The following VWF variants were observed in gnomAD, a reference collection of about 807,000 sequenced individuals.
VWF encodes von Willebrand factor.
A neutral mutation model predicts 308.6 loss-of-function variants in VWF; 176 were observed. The ratio of observed to expected loss-of-function variants is 0.57; its 90% CI spans 0.50 to 0.65. The LOEUF is 0.65. Ranked by LOEUF, VWF falls within the 30% of genes least tolerant of loss-of-function variation. VWF has a pLI of 0.00. For missense variants in VWF, 3,146 were observed against 3,648.2 expected, an observed-to-expected ratio of 0.86 and a Z score of 3.55; for synonymous variants, 1,385 against 1,443.4, an observed-to-expected ratio of 0.96 and a Z score of 0.92.
Position 5,981,662 on chromosome 12 carries a change from T to G in VWF, c.7287+124A>C. The G allele has an allele frequency of 9.7e-6, 11 of 1,128,228 alleles. No individual in the cohort carries two copies. In the South Asian group the frequency reaches 1.4e-4, roughly 14 times the overall value. The allele number at this position is 1,128,228 out of a possible 1,614,324, so 69.9% of individuals were successfully genotyped here. ...CAAATCTTCCATGAGGAGCACATGT[T>G]GCTTAGCAAATATTGGATGGGTAGG... is the stretch of plus-strand genomic sequence containing the variant. On this transcript the variant is annotated intron_variant, in intron 42 of 51. Coordinates refer to ENST00000261405, the MANE Select transcript of VWF (RefSeq NM_000552.5).
chr12:5,952,009 T>C lies in VWF; in HGVS notation c.8116-126A>G. On this transcript the variant is annotated intron_variant, in intron 49 of 51. Coordinates refer to ENST00000261405, the MANE Select transcript of VWF (RefSeq NM_000552.5). Reference sequence around the variant, plus strand: ...TGCTTAAGTGCCCAGATGTAAACTATGCTTTCCTATCATAAATGTGAGCAG... The same window carrying C: ...TGCTTAAGTGCCCAGATGTAAACTACGCTTTCCTATCATAAATGTGAGCAG... 3 of 931,084 alleles carry C rather than the reference T, an allele frequency of 3.2e-6. No individual in the cohort carries two copies. In the South Asian group the frequency reaches 4.1e-5, roughly 13 times the overall value. The allele number at this position is 931,084 out of a possible 1,614,324, so 57.7% of individuals were successfully genotyped here.
intron 18 of VWF, among the ~76,000 whole-genome samples, chr12:6,042,208 G>A (rs1320254275): frequency 1.3e-5 from 2 of 151,840 alleles, no homozygotes; most frequent in African/African-American, 4.8e-5. Flanking sequence ...TCTGCCCCCC[G>A]CAGATCTGCC....
At chr12:6,118,204 C>T (rs548557929) in intron 3 of VWF, among the ~76,000 whole-genome samples, 1 of 152,146 alleles carries the variant, frequency 6.6e-6, no homozygotes, top group Admixed American at 6.5e-5. Flanking sequence ...GAGCCCAGAA[C>T]ATGAACTCTG....
chr12:5,971,821 C>G, intron 43 of VWF, 112 bp from the exon 44 acceptor site: 1 of 923,662 alleles, frequency 1.1e-6, no homozygotes, highest in South Asian at 1.3e-5. Flanking sequence ...GATCACTGGT[C>G]TGGGCATTTT....
In VWF at chr12:5,985,123, G is replaced by C. The variant is rs1176962442; in HGVS notation, c.6902-4C>G. On this transcript the variant is annotated splice_region_variant and splice_polypyrimidine_tract_variant and intron_variant, in intron 39 of 51. Transcript: ENST00000261405. ...TCACACAGGCCACACGTGGGAGCTA[G>C]AGGAGAGGAACGGCCACAAAAGTCA... 6.2e-7 allele frequency: 1 copy of C among 1,614,210 alleles called. No individual in the cohort carries two copies. The highest frequency in any genetic ancestry group is 1.1e-5 in the South Asian group (1 of 91,088).
intron 47 of VWF, among the ~76,000 whole-genome samples, chr12:5,957,157 G>A (rs1943260998): frequency 1.3e-5 from 2 of 152,190 alleles, no homozygotes; most frequent in Admixed American, 1.3e-4. Context: ...TTTGTCACCT[G>A]GGAGTAACAG....
chr12:5,999,471 TACACAC>T (rs3062521), intron 34 of VWF, among the ~76,000 whole-genome samples: 6 of 143,554 alleles, frequency 4.2e-5, no homozygotes, highest in East Asian at 2.0e-4. Flanking sequence ...TGTACACACA[TACACAC>T]ACACACACAC....
At chr12:6,069,102 C>T (rs999633895) in intron 10 of VWF, among the ~76,000 whole-genome samples, 2 of 151,380 alleles carry the variant, frequency 1.3e-5, no homozygotes, top group African/African-American at 4.9e-5. Flanking sequence ...AGCGCTCTGC[C>T]CACTGAGCCT....
At chr12:5,985,511 T>C in intron 39 of VWF, 52 bp downstream of exon 39, 2 of 1,580,262 alleles carry the variant, frequency 1.3e-6, no homozygotes, top group East Asian at 4.5e-5. Context: ...TGGGGGGCCT[T>C]GCAGGGGCCC....
chr12:6,075,537 C>T lies in VWF; in HGVS notation c.672G>A (p.Gln224=), dbSNP rs1209596958. The change falls in exon 7 of 52, where the codon CAG becomes CAA. Residue 224 remains glutamine, a synonymous_variant. Coordinates refer to ENST00000261405, the MANE Select transcript of VWF (RefSeq NM_000552.5). This position sits in a 1 kb window ranked among gnomAD's most constrained non-coding sequence, Gnocchi z 4.7. ...CCGAGGTGCTCTTCAGAAGCTGGCACTGCTCCCACAGGCCCTGCAGGAAGA... is the reference window on the plus strand; with the variant it reads ...CCGAGGTGCTCTTCAGAAGCTGGCATTGCTCCCACAGGCCCTGCAGGAAGA... ...SGEMQKGLWE[Q]CQLLKSTSVF... 6.2e-7 allele frequency: 1 copy of T among 1,613,976 alleles called. No homozygotes were observed. The highest frequency in any genetic ancestry group is 1.3e-5 in the African/African-American group (1 of 75,064).
intron 40 of VWF, among the ~76,000 whole-genome samples, chr12:5,984,722 T>A (rs1403506561): frequency 6.6e-6 from 1 of 152,238 alleles, no homozygotes; most frequent in Non-Finnish European, 1.5e-5. Flanking sequence ...TCTAGCAGCC[T>A]CAAAATCTTA....
In VWF at chr12:6,034,656, C is replaced by G. The variant is rs374726621; in HGVS notation, c.2685+32G>C. 29 of 1,613,164 alleles carry G rather than the reference C, an allele frequency of 1.8e-5. No individual in the cohort carries two copies. The African/African-American group carries it at 3.6e-4, about 20-fold the overall frequency. On this transcript the variant is annotated intron_variant, in intron 20 of 51. Coordinates refer to ENST00000261405, the MANE Select transcript of VWF (RefSeq NM_000552.5). ...ACCTCCCACCCCTCCTAGAAAGAAA[C>G]AGCACCCTCTCCCCATCTCCCCACC... is the stretch of plus-strand genomic sequence containing the variant.
At chr12:6,021,465 C>T (rs1263512426) in intron 27 of VWF, 2 of 176,044 alleles carry the variant, frequency 1.1e-5, no homozygotes, top group Admixed American at 1.1e-4. Flanking sequence ...GACTATGGCC[C>T]CCACGACGTT....
rs749787965 is a variant in VWF at position 6,057,059 on chromosome 12, C to A, written c.1743G>T (p.Glu581Asp). 6.5e-7 allele frequency: 1 copy of A among 1,541,320 alleles called. No individual in the cohort carries two copies. ...GGGACGTCAGGACCGCGCACGCCTC[C>A]TCGGAGAACCTGGCTGTGGGGCGAG... is the stretch of plus-strand genomic sequence containing the variant. ...ALNPRMTRFS[E>D]EACAVLTSPT... is the part of the protein sequence containing the mutation. The change falls in exon 15 of 52, where the codon GAG (glutamate) becomes GAT (aspartate). Residue 581 changes from glutamate (E) to aspartate (D), a missense_variant. This residue lies in a region of VWF where 1,304 missense variants were observed against 1,353.0 expected (regional missense o/e 0.96). Transcript: ENST00000261405.
chr12:6,092,666 T>TGC (rs1555073757), intron 6 of VWF, among the ~76,000 whole-genome samples: 1 of 143,622 alleles, frequency 7.0e-6, no homozygotes, highest in Non-Finnish European at 1.5e-5. Flanking sequence ...TGTGTGTGTG[T>TGC]GTGTGTGCTG....
chr12:6,003,786 C>T (rs2136395522), intron 34 of VWF, among the ~76,000 whole-genome samples: 1 of 150,148 alleles, frequency 6.7e-6, no homozygotes, highest in East Asian at 2.0e-4. Context: ...GTGATGGTTG[C>T]ACAACAATGT....
intron 6 of VWF, among the ~76,000 whole-genome samples, chr12:6,077,674 C>T (rs150644048): frequency 5.8e-4 from 88 of 152,312 alleles, no homozygotes; most frequent in African/African-American, 2.0e-3. Flanking sequence ...ACAATGCCAG[C>T]ACCACGTAGG....
At chr12:5,958,467 C>T (rs193023185) in intron 47 of VWF, among the ~76,000 whole-genome samples, 11 of 152,278 alleles carry the variant, frequency 7.2e-5, no homozygotes, top group African/African-American at 2.6e-4. Flanking sequence ...ATAGGAAGAT[C>T]GCTTGAGCCC....
chr12:6,081,115 G>A (rs559141039), intron 6 of VWF, among the ~76,000 whole-genome samples: 38 of 152,258 alleles, frequency 2.5e-4, no homozygotes, highest in African/African-American at 8.4e-4. Context: ...AAAGGCTGAG[G>A]CAAACCTCAC....
Sources: allele counts gnomAD v4.1 joint callset (sites outside exome capture counted in the v4.1 genomes callset), GRCh38; gene constraint gnomAD v4.1.1; regional missense constraint gnomAD v4.1.1; non-coding constraint Gnocchi (gnomAD v3.1); transcripts MANE v1.5; gene names NCBI Gene and HGNC (gene_info 2026-07-23, HGNC 2026-07-21).